The following ARHGAP12 variants were observed in gnomAD, a reference collection of about 807,000 sequenced individuals.
The protein encoded by ARHGAP12 is rho GTPase-activating protein 12.
A neutral mutation model predicts 108.6 loss-of-function variants in ARHGAP12; 64 were observed. The ratio of observed to expected loss-of-function variants is 0.59; its 90% confidence interval spans 0.48 to 0.73. The LOEUF is 0.73. Among genes scored for constraint, ARHGAP12 ranks in the 30% least tolerant of loss-of-function variants. The pLI, the probability that ARHGAP12 is intolerant of heterozygous loss-of-function variation, is 0.00. For missense variants in ARHGAP12, 940 were observed against 1,005.9 expected (o/e 0.93, Z 0.89); for synonymous variants, 312 against 337.2 (o/e 0.93, Z 0.82).
At position 31,908,322 on chromosome 10, in the gene ARHGAP12, A is replaced by G. The variant is rs2132455987; in HGVS notation, c.534T>C (p.Gly178=). The G allele has an allele frequency of 6.2e-7, 1 of 1,614,164 alleles. No homozygotes were observed. Among genetic ancestry groups the G allele is most frequent in the East Asian group, 2.2e-5 (1 of 44,884 alleles). Residue 178 remains glycine (G), a synonymous_variant, in exon 3 of 20, where the codon GGT becomes GGC. Transcript: ENST00000344936. ...CCAAGAACTCTGGACCGGGAAAATG[A>G]CCAAATGAGCGTGTCCTATTCTGGC... is the stretch of plus-strand genomic sequence containing the variant. ...VSSQNRTRSF[G]HFPGPEFLDV...
chr10:31,872,647 C>T (rs112020694), intron 3 of ARHGAP12, among the ~76,000 whole-genome samples: 1,922 of 152,256 alleles, frequency 0.013, 42 homozygotes, highest in African/African-American at 0.044. Flanking sequence ...TTTGCCTCAT[C>T]CAGTTGATCC....
chr10:31,909,947 G>A (rs1839279706), intron 2 of ARHGAP12, among the ~76,000 whole-genome samples: 1 of 152,060 alleles, frequency 6.6e-6, no homozygotes, highest in Admixed American at 6.6e-5. Context: ...GCTACAGAGG[G>A]AGAAGACCAT....
At chr10:31,893,192 T>G (rs1486771857) in intron 3 of ARHGAP12, among the ~76,000 whole-genome samples, 1 of 152,060 alleles carries the variant, frequency 6.6e-6, no homozygotes, top group African/African-American at 2.4e-5. Context: ...TTAAAAGAAC[T>G]AGAGAAGCAA....
chr10:31,890,357 AAGCAT>A (rs1389392366), intron 3 of ARHGAP12, among the ~76,000 whole-genome samples: 2 of 152,232 alleles, frequency 1.3e-5, no homozygotes, highest in Non-Finnish European at 2.9e-5. Context: ...TTGGAACTTC[AAGCAT>A]ATTTTACCAA....
intron 3 of ARHGAP12, among the ~76,000 whole-genome samples, chr10:31,902,193 T>C (rs1418696604): frequency 6.6e-6 from 1 of 152,046 alleles, no homozygotes; most frequent in East Asian, 1.9e-4. Flanking sequence ...CATATATGAA[T>C]GAAACAGAAT....
At chr10:31,878,899 T>A (rs573563334) in intron 3 of ARHGAP12, among the ~76,000 whole-genome samples, 1 of 152,354 alleles carries the variant, frequency 6.6e-6, no homozygotes, top group African/African-American at 2.4e-5. Flanking sequence ...GAATATGTAT[T>A]GTTCTTCATT....
chr10:31,894,587 T>A (rs1352216859), intron 3 of ARHGAP12, among the ~76,000 whole-genome samples: 2 of 151,954 alleles, frequency 1.3e-5, no homozygotes, highest in African/African-American at 4.8e-5. Context: ...CACTGCTCAG[T>A]GAAATAAAAG....
intron 3 of ARHGAP12, among the ~76,000 whole-genome samples, chr10:31,873,128 A>G (rs79935653): frequency 1.3e-5 from 2 of 152,370 alleles, no homozygotes; most frequent in East Asian, 3.9e-4. Flanking sequence ...GGTTATAAAA[A>G]GAGAGATAAA....
At chr10:31,811,014 G>A (rs1834996712) in intron 15 of ARHGAP12, among the ~76,000 whole-genome samples, 1 of 152,036 alleles carries the variant, frequency 6.6e-6, no homozygotes, top group Non-Finnish European at 1.5e-5. Flanking sequence ...ACCCAATTTG[G>A]CTCCTTCTTA....
Position 31,853,293 on chromosome 10 carries a change from T to C in ARHGAP12, c.1090-696A>G, listed in dbSNP as rs575588641. On this transcript the variant is annotated intron_variant, in intron 5 of 19. Transcript: ENST00000344936. ...TTCAATTAAATGTACAACTAAACTA[T>C]TTAAAGGCTCATTTCATGCAAACCT... 6.6e-5 allele frequency among the ~76,000 whole-genome samples: 10 copies of C among 152,300 alleles called. No homozygotes were observed. The South Asian group carries it at 1.9e-3, about 28-fold the overall frequency.
At chr10:31,859,564 T>G (rs1287910231) in intron 4 of ARHGAP12, among the ~76,000 whole-genome samples, 1 of 152,038 alleles carries the variant, frequency 6.6e-6, no homozygotes, top group Non-Finnish European at 1.5e-5. Context: ...ATATTAATCT[T>G]CATATAATTT....
In ARHGAP12 at chr10:31,898,967, T is replaced by C. The variant is rs141490845; in HGVS notation, c.684+9205A>G. 1.2e-4 allele frequency among the ~76,000 whole-genome samples: 18 copies of C among 152,228 alleles called. No individual in the cohort carries two copies. The East Asian group carries it at 3.3e-3, about 28-fold the overall frequency. On this transcript the variant is annotated intron_variant, in intron 3 of 19. Coordinates refer to ENST00000344936, the MANE Select transcript of ARHGAP12 (RefSeq NM_018287.7). ...CCAAAAGTGGCAGATGGATAAACAATAGAATATTATTCCACCACAAAAAGG... is the reference window on the plus strand; with the variant it reads ...CCAAAAGTGGCAGATGGATAAACAACAGAATATTATTCCACCACAAAAAGG...
At chr10:31,846,958 A>T (rs1003878138) in intron 6 of ARHGAP12, among the ~76,000 whole-genome samples, 38 of 136,278 alleles carry the variant, frequency 2.8e-4, no homozygotes, top group Non-Finnish European at 7.6e-5. Context: ...CAGACTAAAT[A>T]ATTTCTACTA....
intron 4 of ARHGAP12, among the ~76,000 whole-genome samples, chr10:31,860,846 T>G (rs1837086160): frequency 6.6e-6 from 1 of 152,196 alleles, no homozygotes. Flanking sequence ...TTTGGGAGGC[T>G]GAGACAGGGG....
chr10:31,864,334 A>G (rs1164285173), intron 3 of ARHGAP12, among the ~76,000 whole-genome samples: 1 of 151,566 alleles, frequency 6.6e-6, no homozygotes, highest in East Asian at 1.9e-4. Flanking sequence ...AAACTAACAC[A>G]AATAAGCCTT....
intron 3 of ARHGAP12, among the ~76,000 whole-genome samples, chr10:31,863,608 G>T (rs1837215632): frequency 6.6e-6 from 1 of 151,984 alleles, no homozygotes; most frequent in South Asian, 2.1e-4. Context: ...GAGCAGAGAA[G>T]AATTAAATAA....
chr10:31,871,830 T>C (rs552296336), intron 3 of ARHGAP12, among the ~76,000 whole-genome samples: 40 of 152,256 alleles, frequency 2.6e-4, no homozygotes, highest in East Asian at 2.5e-3. Context: ...AACCAGCACA[T>C]AGAGAGTCAT....
At chr10:31,903,542 G>A (rs1839009587) in intron 3 of ARHGAP12, among the ~76,000 whole-genome samples, 1 of 152,118 alleles carries the variant, frequency 6.6e-6, no homozygotes, top group African/African-American at 2.4e-5. Flanking sequence ...CCTCAACAAA[G>A]TTAAAACTAG....
intron 6 of ARHGAP12, among the ~76,000 whole-genome samples, chr10:31,845,425 C>G (rs1479483632): frequency 6.6e-6 from 1 of 151,896 alleles, no homozygotes; most frequent in Admixed American, 6.6e-5. Flanking sequence ...GTAATCTCAC[C>G]GTGAAGTATG....
Sources: gnomAD v4.1 joint callset for allele counts (sites outside exome capture counted in the v4.1 genomes callset) on GRCh38, gnomAD v4.1.1 for gene constraint, MANE v1.5 for transcripts, NCBI Gene and HGNC (gene_info 2026-07-23, HGNC 2026-07-21) for gene names.